Variants in LHFPL3 observed in about 807,000 individuals in gnomAD.
LHFPL3 encodes LHFPL tetraspan subfamily member 3 protein.
Under a neutral mutation model 19.3 loss-of-function variants are expected in LHFPL3, and 5 were observed. The ratio of observed to expected loss-of-function variants is 0.26; its 90% CI spans 0.14 to 0.54. LHFPL3 has a LOEUF of 0.54. Ranked by LOEUF, LHFPL3 falls within the 20% of genes least tolerant of loss-of-function variation. LHFPL3 has a pLI of 0.94. For missense variants in LHFPL3, 249 were observed against 307.4 expected (o/e 0.81, Z 1.42); for synonymous variants, 133 against 126.2 (o/e 1.05, Z -0.36).
At chr7:104,445,051 C>G (rs1792304693) in intron 1 of LHFPL3, among the ~76,000 whole-genome samples, 1 of 151,574 alleles carries the variant, frequency 6.6e-6, no homozygotes, top group Non-Finnish European at 1.5e-5. Flanking sequence ...TGAATATACT[C>G]TAAAGTCCAT....
chr7:104,629,001 G>A (rs1003845310), intron 1 of LHFPL3, among the ~76,000 whole-genome samples: 1 of 152,152 alleles, frequency 6.6e-6, no homozygotes, highest in African/African-American at 2.4e-5. Flanking sequence ...TTGCCTAAAT[G>A]TCTGAAAATA....
At chr7:104,827,343 G>T (rs190819774) in intron 2 of LHFPL3, among the ~76,000 whole-genome samples, 1 of 152,018 alleles carries the variant, frequency 6.6e-6, no homozygotes, top group Non-Finnish European at 1.5e-5. Context: ...TTGGTTAAAA[G>T]CTTCCTAAGG....
intron 1 of LHFPL3, among the ~76,000 whole-genome samples, chr7:104,455,869 A>G (rs1226057651): frequency 6.6e-6 from 1 of 152,272 alleles, no homozygotes; most frequent in African/African-American, 2.4e-5. Context: ...CTCTATTTTC[A>G]TAAACCATTG....
chr7:104,845,538 A>C (rs1399956057), intron 2 of LHFPL3: 2 of 1,335,146 alleles, frequency 1.5e-6, no homozygotes, highest in East Asian at 2.7e-5. Context: ...AGCGCTTAGC[A>C]CTTGAGCCGC....
chr7:104,863,531 T>C (rs10953455), intron 2 of LHFPL3, among the ~76,000 whole-genome samples: 18,348 of 152,264 alleles, frequency 0.12, 2,356 homozygotes, highest in East Asian at 0.43. Context: ...TCAGGACAGC[T>C]TGTGATCAGG....
intron 1 of LHFPL3, among the ~76,000 whole-genome samples, chr7:104,452,142 T>G (rs1021117250): frequency 2.0e-5 from 3 of 152,166 alleles, no homozygotes; most frequent in Non-Finnish European, 4.4e-5. Flanking sequence ...CATTTGGTAT[T>G]CTTTCCTTAG....
chr7:104,731,624 C>G (rs1331446192), intron 1 of LHFPL3, among the ~76,000 whole-genome samples: 8 of 151,644 alleles, frequency 5.3e-5, no homozygotes, highest in Admixed American at 2.0e-4. Flanking sequence ...AGACTTTGGG[C>G]TGAGATGATG....
At chr7:104,609,486 G>A (rs963032536) in intron 1 of LHFPL3, among the ~76,000 whole-genome samples, 5 of 152,130 alleles carry the variant, frequency 3.3e-5, no homozygotes, top group Non-Finnish European at 5.9e-5. Context: ...ATTTTCTTCT[G>A]TTTAAGAGAT....
At chr7:104,460,096 G>A (rs1364088903) in intron 1 of LHFPL3, among the ~76,000 whole-genome samples, 1 of 152,090 alleles carries the variant, frequency 6.6e-6, no homozygotes, top group Non-Finnish European at 1.5e-5. Context: ...ACTTATAAGT[G>A]TGGTATTTGG....
At chr7:104,424,474 A>G (rs1241300595) in intron 1 of LHFPL3, among the ~76,000 whole-genome samples, 1 of 152,260 alleles carries the variant, frequency 6.6e-6, no homozygotes, top group African/African-American at 2.4e-5. Context: ...AAGGTTATGT[A>G]AGACCACAGA....
At chr7:104,679,060 A>G (rs1792645456) in intron 1 of LHFPL3, among the ~76,000 whole-genome samples, 1 of 152,218 alleles carries the variant, frequency 6.6e-6, no homozygotes, top group South Asian at 2.1e-4. Flanking sequence ...TAGTCACATA[A>G]TTTCTAAAGG....
intron 1 of LHFPL3, among the ~76,000 whole-genome samples, chr7:104,527,338 T>C (rs1331807258): frequency 2.6e-5 from 4 of 152,064 alleles, no homozygotes; most frequent in African/African-American, 9.7e-5. Context: ...GGTTTCTTTG[T>C]GCGGCAGGGA....
intron 1 of LHFPL3, among the ~76,000 whole-genome samples, chr7:104,564,242 C>T (rs1468000002): frequency 1.4e-4 from 21 of 152,198 alleles, no homozygotes. Flanking sequence ...ACCACTGCTT[C>T]TACTGAATGA....
chr7:104,595,499 A>G (rs749143128), intron 1 of LHFPL3, among the ~76,000 whole-genome samples: 15 of 152,136 alleles, frequency 9.9e-5, no homozygotes, highest in South Asian at 6.2e-4. Context: ...ATGTCTCCCA[A>G]TTAGGCTATA....
At chr7:104,764,830 T>G (rs1278846681) in intron 2 of LHFPL3, among the ~76,000 whole-genome samples, 1 of 152,254 alleles carries the variant, frequency 6.6e-6, no homozygotes, top group Non-Finnish European at 1.5e-5. Context: ...CTATCTCATT[T>G]GACCCTTGCA....
At chr7:104,576,915 G>A (rs1790349354) in intron 1 of LHFPL3, among the ~76,000 whole-genome samples, 1 of 152,072 alleles carries the variant, frequency 6.6e-6, no homozygotes, top group African/African-American at 2.4e-5. Context: ...TCTCTCACTG[G>A]GTCCTTGTCC....
chr7:104,653,769 C>A (rs1361469641), intron 1 of LHFPL3, among the ~76,000 whole-genome samples: 1 of 152,146 alleles, frequency 6.6e-6, no homozygotes. Context: ...ATGATGTTCA[C>A]CTGCAAAAAT....
At chr7:104,511,216 A>C (rs1793807181) in intron 1 of LHFPL3, among the ~76,000 whole-genome samples, 1 of 152,218 alleles carries the variant, frequency 6.6e-6, no homozygotes, top group Non-Finnish European at 1.5e-5. Flanking sequence ...GAAAATGTTC[A>C]ATGTCATAAG....
chr7:104,784,013 G>A (rs1789866845), intron 2 of LHFPL3, among the ~76,000 whole-genome samples: 1 of 152,180 alleles, frequency 6.6e-6, no homozygotes, highest in African/African-American at 2.4e-5. Flanking sequence ...ACCAAGCTGA[G>A]GATGAGAGGC....
Sources: gnomAD v4.1 joint callset for allele counts (sites outside exome capture counted in the v4.1 genomes callset) on GRCh38, gnomAD v4.1.1 for gene constraint, MANE v1.5 for transcripts, NCBI Gene and HGNC (gene_info 2026-07-23, HGNC 2026-07-21) for gene names.